DYRK1A: variants seen among roughly 807,000 people sequenced by gnomAD.
The protein encoded by DYRK1A is dual specificity tyrosine phosphorylation regulated kinase 1A, also known as dual specificity tyrosine-phosphorylation-regulated kinase 1A.
Under a neutral mutation model 79.7 loss-of-function variants are expected in DYRK1A, and 9 were observed. That is an observed-to-expected ratio of 0.11 (90% CI 0.07 to 0.20). DYRK1A has a LOEUF of 0.20. Among genes scored for constraint, DYRK1A ranks in the 10% least tolerant of loss-of-function variants. DYRK1A has a pLI of 1.00. For missense variants in DYRK1A, 622 were observed against 956.0 expected, an observed-to-expected ratio of 0.65 and a Z score of 4.61; for synonymous variants, 349 against 329.7, an observed-to-expected ratio of 1.06 and a Z score of -0.63.
At chr21:37,399,908 C>CT (rs1214063723) in intron 1 of DYRK1A, among the ~76,000 whole-genome samples, 1 of 152,142 alleles carries the variant, frequency 6.6e-6, no homozygotes, top group Non-Finnish European at 1.5e-5. Context: ...ATTTGGAAAA[C>CT]TTTTTTTAAC....
intron 1 of DYRK1A, among the ~76,000 whole-genome samples, chr21:37,393,417 A>G (rs1030958766): frequency 3.9e-5 from 6 of 152,152 alleles, no homozygotes; most frequent in Admixed American, 3.9e-4. Flanking sequence ...TTCTGGGTAC[A>G]TATAGGTCTC....
intron 1 of DYRK1A, among the ~76,000 whole-genome samples, chr21:37,407,822 C>G (rs936225692): frequency 1.3e-5 from 2 of 152,124 alleles, no homozygotes; most frequent in Admixed American, 6.5e-5. Context: ...CTAAGAGCGG[C>G]GAGAGAATGG....
chr21:37,367,419 G>A lies in DYRK1A; in HGVS notation c.-286G>A. 6.7e-6 allele frequency: 1 copy of A among 148,974 alleles called. No homozygotes were observed. The highest frequency in any genetic ancestry group is 1.5e-5 in the Non-Finnish European group (1 of 66,740). The allele number at this position is 148,974 out of a possible 1,614,324, so 9.2% of individuals were successfully genotyped here. A position where few individuals can be genotyped will look rare whatever the true frequency, so the allele number is the denominator to read the frequency against. On this transcript the variant is annotated 5_prime_UTR_variant, in exon 1 of 12. Transcript: ENST00000647188. ...GACTGCGGTATTTGCCGGGGAGGGG[G>A]CTGTCGCCTCCCCGGCCCCGGGCGC...
At chr21:37,501,081 A>G (rs567567959) in intron 9 of DYRK1A, among the ~76,000 whole-genome samples, 4 of 149,386 alleles carry the variant, frequency 2.7e-5, no homozygotes, top group Non-Finnish European at 4.4e-5. Flanking sequence ...CTTTGCTACT[A>G]TAGAATTTAA....
chr21:37,480,550 A>G, intron 4 of DYRK1A, 88 bp from the exon 5 acceptor site: 2 of 1,033,506 alleles, frequency 1.9e-6, no homozygotes, highest in South Asian at 2.0e-5. Context: ...TCAACTGTAG[A>G]AAATAGGTGT....
At chr21:37,450,964 G>A (rs1250274014) in intron 2 of DYRK1A, among the ~76,000 whole-genome samples, 1 of 152,104 alleles carries the variant, frequency 6.6e-6, no homozygotes, top group East Asian at 1.9e-4. Flanking sequence ...CTGTAATGAA[G>A]CTACAAAAAT....
chr21:37,452,365 G>C (rs1267861749), intron 2 of DYRK1A, among the ~76,000 whole-genome samples: 1 of 150,018 alleles, frequency 6.7e-6, no homozygotes, highest in Non-Finnish European at 1.5e-5. Flanking sequence ...TGAGGTAAAG[G>C]GGGTGGGGAG....
At chr21:37,382,744 TTTA>T in intron 1 of DYRK1A, among the ~76,000 whole-genome samples, 1 of 152,302 alleles carries the variant, frequency 6.6e-6, no homozygotes, top group Middle Eastern at 3.4e-3. Flanking sequence ...TGAATAACTA[TTTA>T]TTATTAGTTA....
At chr21:37,483,526 TTTTTC>T (rs1306544539) in intron 5 of DYRK1A, among the ~76,000 whole-genome samples, 1 of 152,176 alleles carries the variant, frequency 6.6e-6, no homozygotes, top group African/African-American at 2.4e-5. Flanking sequence ...TTATAACCTC[TTTTTC>T]TTCTGAGGGG....
chr21:37,475,376 A>G (rs1200211804), intron 3 of DYRK1A, among the ~76,000 whole-genome samples: 2 of 152,236 alleles, frequency 1.3e-5, no homozygotes, highest in Non-Finnish European at 2.9e-5. Flanking sequence ...TTTGGCTAGC[A>G]GAAGCAGGAA....
At chr21:37,475,893 A>C (rs892239616) in intron 3 of DYRK1A, among the ~76,000 whole-genome samples, 1 of 152,202 alleles carries the variant, frequency 6.6e-6, no homozygotes, top group Non-Finnish European at 1.5e-5. Flanking sequence ...TTGAAATACC[A>C]GTGGAATTGT....
rs1208644705 is a variant in DYRK1A at position 37,519,108 on chromosome 21, G to A, written c.*6577G>A. 1 of 152,224 alleles carries A rather than the reference G, an allele frequency of 6.6e-6. No homozygotes were observed. Among genetic ancestry groups the A allele is most frequent in the African/African-American group, 2.4e-5 (1 of 41,458 alleles). The allele number at this position is 152,224 out of a possible 1,614,324, so 9.4% of individuals were successfully genotyped here. On this transcript the variant is annotated 3_prime_UTR_variant, in exon 12 of 12. Transcript: ENST00000647188. The stretch of plus-strand genomic sequence containing the variant: ...TCTTCCCTTGTGGAGATGGGTCAGT[G>A]TAACATCCTATTCATTAATAGCTCT...
chr21:37,507,500 C>G (rs545275928), intron 11 of DYRK1A, among the ~76,000 whole-genome samples: 2 of 152,112 alleles, frequency 1.3e-5, no homozygotes, highest in South Asian at 4.1e-4. Context: ...GTCCTGCCCT[C>G]CAACTCTCCT....
intron 11 of DYRK1A, among the ~76,000 whole-genome samples, chr21:37,510,334 T>C (rs904799224): frequency 1.3e-5 from 2 of 152,244 alleles, no homozygotes; most frequent in East Asian, 1.9e-4. Context: ...TTCTACTGAT[T>C]GTTTTCAGTA....
In DYRK1A at chr21:37,400,333, A is replaced by G. The variant is rs568259086; in HGVS notation, c.-76-19966A>G. 2.0e-4 allele frequency among the ~76,000 whole-genome samples: 31 copies of G among 152,122 alleles called. No individual in the cohort carries two copies. In the South Asian group the frequency reaches 2.3e-3, roughly 11 times the overall value. On this transcript the variant is annotated intron_variant, in intron 1 of 11. Coordinates refer to ENST00000647188, the MANE Select transcript of DYRK1A (RefSeq NM_001347721.2). ...ACCTGCAAAGACCTGTTTTTCCCCCAAATCATAAAACATTTATAGGTTTCA... is the reference window on the plus strand; with the variant it reads ...ACCTGCAAAGACCTGTTTTTCCCCCGAATCATAAAACATTTATAGGTTTCA...
At chr21:37,408,730 A>G (rs572109210) in intron 1 of DYRK1A, among the ~76,000 whole-genome samples, 15 of 152,312 alleles carry the variant, frequency 9.8e-5, no homozygotes, top group Non-Finnish European at 1.5e-4. Flanking sequence ...CTCATCTTCA[A>G]TATTTACAAA....
chr21:37,441,710 G>A (rs2051109210), intron 2 of DYRK1A, among the ~76,000 whole-genome samples: 1 of 151,864 alleles, frequency 6.6e-6, no homozygotes, highest in South Asian at 2.1e-4. Flanking sequence ...AATAGATTTT[G>A]TTTGTGCATA....
intron 2 of DYRK1A, among the ~76,000 whole-genome samples, chr21:37,432,949 C>G (rs1380758429): frequency 1.4e-5 from 2 of 148,008 alleles, no homozygotes. Context: ...GCACTCCAGC[C>G]TGGGCAAAAG....
chr21:37,378,418 G>C (rs1052490398), intron 1 of DYRK1A, among the ~76,000 whole-genome samples: 15 of 152,200 alleles, frequency 9.9e-5, no homozygotes, highest in African/African-American at 3.4e-4. Flanking sequence ...TGTAATCCCA[G>C]CTACTGGGGA....
Sources: gnomAD v4.1 joint callset for allele counts (sites outside exome capture counted in the v4.1 genomes callset) on GRCh38, gnomAD v4.1.1 for gene constraint, MANE v1.5 for transcripts, NCBI Gene and HGNC (gene_info 2026-07-23, HGNC 2026-07-21) for gene names.